Variants in SERPINB7 observed in about 807,000 individuals in gnomAD.
SERPINB7 encodes the protein serpin family B member 7, also known as serpin B7.
A neutral mutation model predicts 37.4 loss-of-function variants in SERPINB7; 31 were observed. The observed-to-expected ratio is 0.83, with a 90% CI of 0.62 to 1.12. SERPINB7 has a LOEUF of 1.12. Among genes scored for constraint, SERPINB7 ranks in the 50% most tolerant of loss-of-function variants. SERPINB7 has a pLI of 0.00. For missense variants in SERPINB7, 521 were observed against 455.3 expected (o/e 1.14, Z -1.31); for synonymous variants, 163 against 166.1 (o/e 0.98, Z 0.14).
intron 1 of SERPINB7, among the ~76,000 whole-genome samples, chr18:63,766,000 A>T (rs1456473556): frequency 2.0e-5 from 3 of 152,208 alleles, no homozygotes; most frequent in Admixed American, 6.5e-5. Flanking sequence ...TCTTTCCTTC[A>T]GTGTCTCTGT....
In SERPINB7 at chr18:63,782,398, CAG is replaced by C. The variant is rs1421900735; in HGVS notation, c.29_30del (p.Glu10ValfsTer11). 1.2e-6 allele frequency: 2 copies of C among 1,612,710 alleles called. No individual in the cohort carries two copies. The highest frequency in any genetic ancestry group is 8.5e-7 in the Non-Finnish European group (1 of 1,179,230). On this transcript the variant is annotated frameshift_variant, in exon 2 of 8. Coordinates refer to ENST00000398019, the MANE Select transcript of SERPINB7 (RefSeq NM_003784.4). LOFTEE classifies it high-confidence loss of function. ...ATGGCCTCCCTTGCTGCAGCAAATG[CAG>C]AGTTTTGCTTCAACCTGTTCAGAGA...
chr18:63,770,043 C>T (rs1374034265), intron 1 of SERPINB7, among the ~76,000 whole-genome samples: 1 of 148,628 alleles, frequency 6.7e-6, no homozygotes, highest in African/African-American at 2.5e-5. Flanking sequence ...CAGGACATTG[C>T]CGCTTCTGCT....
At chr18:63,758,903 G>A (rs1037360294) in intron 1 of SERPINB7, among the ~76,000 whole-genome samples, 1 of 152,212 alleles carries the variant, frequency 6.6e-6, no homozygotes, top group Non-Finnish European at 1.5e-5. Context: ...GGGTCCAAGA[G>A]TTTTCATATT....
chr18:63,797,701 G>A (rs1753592564), intron 5 of SERPINB7, among the ~76,000 whole-genome samples: 1 of 152,138 alleles, frequency 6.6e-6, no homozygotes. Flanking sequence ...CTTTTGAAAG[G>A]CAAATCAGAT....
chr18:63,800,582 C>A (rs577643544), intron 6 of SERPINB7, among the ~76,000 whole-genome samples: 1 of 152,270 alleles, frequency 6.6e-6, no homozygotes, highest in South Asian at 2.1e-4. Context: ...GGATTATAGT[C>A]ATTCCCATTC....
chr18:63,759,044 C>T (rs2049137762), intron 1 of SERPINB7, among the ~76,000 whole-genome samples: 1 of 152,202 alleles, frequency 6.6e-6, no homozygotes, highest in South Asian at 2.1e-4. Context: ...TACGTTTCTA[C>T]TTGATCATAT....
chr18:63,773,861 A>G (rs761275252), upstream of SERPINB7, among the ~76,000 whole-genome samples: 8 of 152,180 alleles, frequency 5.3e-5, no homozygotes, highest in Non-Finnish European at 1.0e-4. Flanking sequence ...AGAAGAAAAC[A>G]ATGGTGAGTA....
At chr18:63,773,301 C>T (rs2049222205), upstream of SERPINB7, among the ~76,000 whole-genome samples, 1 of 152,030 alleles carries the variant, frequency 6.6e-6, no homozygotes, top group African/African-American at 2.4e-5. Flanking sequence ...CCATATCAAG[C>T]AAACAAATAA....
At chr18:63,780,715 C>T (rs2049293455) in intron 1 of SERPINB7, among the ~76,000 whole-genome samples, 1 of 152,174 alleles carries the variant, frequency 6.6e-6, no homozygotes, top group African/African-American at 2.4e-5. Flanking sequence ...ATGATTTTCT[C>T]ACCTTATGTG....
chr18:63,762,082 T>C (rs886251770), intron 1 of SERPINB7, among the ~76,000 whole-genome samples: 15 of 152,202 alleles, frequency 9.9e-5, no homozygotes, highest in African/African-American at 3.4e-4. Context: ...TCGTAATTGC[T>C]TGTGAGTTGT....
chr18:63,787,272 G>T (rs1197248675), intron 2 of SERPINB7, among the ~76,000 whole-genome samples: 1 of 152,046 alleles, frequency 6.6e-6, no homozygotes, highest in African/African-American at 2.4e-5. Flanking sequence ...TTTAGTCATG[G>T]TAGTTTTACT....
intron 3 of SERPINB7, among the ~76,000 whole-genome samples, chr18:63,792,824 T>G (rs866917565): frequency 9.6e-4 from 146 of 152,366 alleles, no homozygotes; most frequent in African/African-American, 3.5e-3. Context: ...TTGGCCATAT[T>G]TGGGCAAGAA....
chr18:63,798,466 C>T, intron 5 of SERPINB7, 138 bp from the exon 6 acceptor site: 2 of 650,840 alleles, frequency 3.1e-6, no homozygotes. Context: ...ACATTAATTG[C>T]TCATAGGTTA....
At chr18:63,766,264 C>T (rs1476556293) in intron 1 of SERPINB7, among the ~76,000 whole-genome samples, 2 of 152,074 alleles carry the variant, frequency 1.3e-5, no homozygotes, top group Non-Finnish European at 2.9e-5. Flanking sequence ...TCTCCCGTTT[C>T]CCATTAGTTT....
At chr18:63,797,643 C>T (rs1487217265) in intron 5 of SERPINB7, among the ~76,000 whole-genome samples, 1 of 152,072 alleles carries the variant, frequency 6.6e-6, no homozygotes, top group Non-Finnish European at 1.5e-5. Flanking sequence ...CTAAACAACC[C>T]TACCCAGGTC....
At chr18:63,794,933 T>G (rs942477362) in intron 4 of SERPINB7, among the ~76,000 whole-genome samples, 20 of 152,210 alleles carry the variant, frequency 1.3e-4, no homozygotes, top group Non-Finnish European at 7.3e-5. Flanking sequence ...GGAAATCCAC[T>G]AACAATACAT....
intron 1 of SERPINB7, among the ~76,000 whole-genome samples, chr18:63,762,390 G>A (rs1025314707): frequency 6.6e-6 from 1 of 152,178 alleles, no homozygotes; most frequent in Non-Finnish European, 1.5e-5. Context: ...GACAGTCTTT[G>A]TAGGTTGATT....
chr18:63,791,605 G>GTATTTT (rs930616622), intron 2 of SERPINB7, among the ~76,000 whole-genome samples: 1 of 151,876 alleles, frequency 6.6e-6, no homozygotes, highest in African/African-American at 2.4e-5. Context: ...TAGTCCACAG[G>GTATTTT]TATTTTTATT....
At chr18:63,778,532 G>A (rs1026014774) in intron 1 of SERPINB7, among the ~76,000 whole-genome samples, 9 of 151,968 alleles carry the variant, frequency 5.9e-5, no homozygotes, top group African/African-American at 7.3e-5. Flanking sequence ...CTTTTATCAA[G>A]CATTTAAGGC....
Sources: gnomAD v4.1 joint callset for allele counts (sites outside exome capture counted in the v4.1 genomes callset) on GRCh38, gnomAD v4.1.1 for gene constraint, MANE v1.5 for transcripts, NCBI Gene and HGNC (gene_info 2026-07-23, HGNC 2026-07-21) for gene names.